Variants in ACSS1 observed in about 807,000 individuals in gnomAD.
ACSS1 encodes acyl-CoA synthetase short chain family member 1, also known as acetyl-coenzyme A synthetase 2-like, mitochondrial.
A neutral mutation model predicts 75.3 loss-of-function variants in ACSS1; 42 were observed. The observed-to-expected ratio is 0.56, with a 90% CI of 0.44 to 0.72. The LOEUF (loss-of-function observed/expected upper bound fraction) is 0.72, where lower values mean the gene tolerates loss of function less well. Among genes scored for constraint, ACSS1 ranks in the 30% least tolerant of loss-of-function variants. The pLI, the probability that ACSS1 is intolerant of heterozygous loss-of-function variation, is 0.00. For missense variants in ACSS1, 782 were observed against 935.7 expected (o/e 0.84, Z 2.14); for synonymous variants, 380 against 376.8 (o/e 1.01, Z -0.10).
At chr20:25,038,044 G>A (rs1035174780) in intron 2 of ACSS1, among the ~76,000 whole-genome samples, 1 of 152,202 alleles carries the variant, frequency 6.6e-6, no homozygotes, top group Non-Finnish European at 1.5e-5. Flanking sequence ...AGTGGCAGCC[G>A]CACTTGAACA....
At chr20:25,024,417 G>A (rs1441864073) in intron 3 of ACSS1, among the ~76,000 whole-genome samples, 3 of 152,166 alleles carry the variant, frequency 2.0e-5, no homozygotes, top group Admixed American at 6.5e-5. Flanking sequence ...TCACAGCTGC[G>A]GGGGGTTACT....
intron 5 of ACSS1, among the ~76,000 whole-genome samples, chr20:25,022,078 C>A (rs1341842733): frequency 6.6e-6 from 1 of 152,090 alleles, no homozygotes; most frequent in Non-Finnish European, 1.5e-5. Flanking sequence ...TATTTTAGGC[C>A]GGACACGGTG....
intron 1 of ACSS1, 90 bp downstream of exon 1, chr20:25,057,679 G>C: frequency 7.4e-7 from 1 of 1,346,316 alleles, no homozygotes. Flanking sequence ...GATCCGCGCT[G>C]CCCGGGGACG....
At chr20:25,044,896 G>A (rs891430742) in intron 2 of ACSS1, among the ~76,000 whole-genome samples, 6 of 152,204 alleles carry the variant, frequency 3.9e-5, no homozygotes, top group Non-Finnish European at 5.9e-5. Context: ...GGGTGCACAC[G>A]TCCCAGGCTG....
At chr20:25,039,142 C>A (rs1277135845) in intron 2 of ACSS1, among the ~76,000 whole-genome samples, 2 of 152,208 alleles carry the variant, frequency 1.3e-5, no homozygotes, top group African/African-American at 4.8e-5. Flanking sequence ...TTAACCCTCA[C>A]AACAGCCCAT....
intron 3 of ACSS1, among the ~76,000 whole-genome samples, chr20:25,026,469 G>GA (rs1368184529): frequency 2.0e-5 from 3 of 152,196 alleles, no homozygotes; most frequent in Non-Finnish European, 2.9e-5. Context: ...GCAAGGCTAT[G>GA]AGGAAGCCCA....
chr20:25,045,634 G>T (rs745666773), intron 2 of ACSS1, among the ~76,000 whole-genome samples: 8 of 152,202 alleles, frequency 5.3e-5, no homozygotes. Context: ...TAGGCACCTC[G>T]AGTGCTGTGG....
chr20:25,053,605 T>C (rs940691719), intron 1 of ACSS1, among the ~76,000 whole-genome samples: 2 of 152,010 alleles, frequency 1.3e-5, no homozygotes, highest in Admixed American at 6.6e-5. Flanking sequence ...CTGGAATCAC[T>C]AGGAGGAAAA....
At chr20:25,056,663 G>A (rs1436838696) in intron 1 of ACSS1, among the ~76,000 whole-genome samples, 1 of 151,828 alleles carries the variant, frequency 6.6e-6, no homozygotes, top group Admixed American at 6.6e-5. Context: ...ACTGAGGGCT[G>A]GGGGGGCAGA....
At chr20:25,045,284 G>A (rs1315427338) in intron 2 of ACSS1, among the ~76,000 whole-genome samples, 3 of 152,100 alleles carry the variant, frequency 2.0e-5, no homozygotes, top group Non-Finnish European at 4.4e-5. Flanking sequence ...GAACTAGAAC[G>A]GGCCTCTTTC....
At chr20:25,010,325 C>T (rs1177995603) in intron 12 of ACSS1, 1 of 152,270 alleles carries the variant, frequency 6.6e-6, no homozygotes, top group Non-Finnish European at 1.5e-5. Context: ...ACTCTTGACC[C>T]CTCTATGGGG....
At chr20:25,042,030 C>A (rs1363096046) in intron 2 of ACSS1, among the ~76,000 whole-genome samples, 2 of 152,036 alleles carry the variant, frequency 1.3e-5, no homozygotes, top group African/African-American at 4.8e-5. Flanking sequence ...GTTCCACAAC[C>A]CACCCGCTGG....
chr20:25,032,339 A>T, intron 2 of ACSS1: 1 of 1,314,614 alleles, frequency 7.6e-7, no homozygotes, highest in Non-Finnish European at 9.7e-7. Context: ...CTCCGGGAAA[A>T]CTGGGAGCAG....
chr20:25,053,119 G>A lies in ACSS1; in HGVS notation c.334+4650C>T, dbSNP rs186783069. ...CACTCCATTGCCCAGGCTAGAGTGCGCTGGCGTGATCTCAGCTCACTGCAA... is the reference window on the plus strand; with the variant it reads ...CACTCCATTGCCCAGGCTAGAGTGCACTGGCGTGATCTCAGCTCACTGCAA... On this transcript the variant is annotated intron_variant, in intron 1 of 13. Transcript: ENST00000323482. 9.5e-4 allele frequency among the ~76,000 whole-genome samples: 139 copies of A among 145,702 alleles called. 1 individual carries two copies. The highest frequency in any genetic ancestry group is 3.4e-3 in the African/African-American group (131 of 38,680).
chr20:25,047,720 T>C (rs975808403), intron 2 of ACSS1, among the ~76,000 whole-genome samples: 1 of 152,102 alleles, frequency 6.6e-6, no homozygotes, highest in African/African-American at 2.4e-5. Context: ...AGGAAGCAGC[T>C]TGGGGAAGGC....
chr20:25,010,798 G>A (rs1421671604), intron 12 of ACSS1: 1 of 152,428 alleles, frequency 6.6e-6, no homozygotes, highest in African/African-American at 2.4e-5. Context: ...TAAGAGCCAG[G>A]ACGAGGCAGG....
At chr20:25,018,612 T>C (rs1045416515) in intron 7 of ACSS1, among the ~76,000 whole-genome samples, 1 of 152,210 alleles carries the variant, frequency 6.6e-6, no homozygotes, top group East Asian at 1.9e-4. Context: ...AGGCCGGTTC[T>C]CTGACCTCTC....
At chr20:25,012,564 C>G in intron 12 of ACSS1, 37 bp downstream of exon 12, 2 of 1,612,864 alleles carry the variant, frequency 1.2e-6, no homozygotes, top group South Asian at 2.2e-5. Flanking sequence ...GGTGTGGGGT[C>G]AGGAATCAGG....
At position 25,014,049 on chromosome 20, in the gene ACSS1, G is replaced by A; in HGVS notation, c.1364C>T (p.Pro455Leu). The A allele has an allele frequency of 6.2e-7, 1 of 1,611,884 alleles. No individual in the cohort carries two copies. Among genetic ancestry groups the A allele is most frequent in the Non-Finnish European group, 8.5e-7 (1 of 1,179,230 alleles). Reference sequence around the variant, plus strand: ...TTCCGCCCCTTCTTCCGAGGGCCGTGGTGCGATGCAGATGCCACCTGTTTC... The same window carrying A: ...TTCCGCCCCTTCTTCCGAGGGCCGTAGTGCGATGCAGATGCCACCTGTTTC... Reference protein sequence around the residue: ...QTETGGICIAPRPSEEGAEIL... With the variant: ...QTETGGICIALRPSEEGAEIL... Residue 455 changes from proline to leucine, a missense_variant, in exon 9 of 14, where the codon CCA (proline) becomes CTA (leucine). Transcript: ENST00000323482.
Sources: gnomAD v4.1 joint callset for allele counts (sites outside exome capture counted in the v4.1 genomes callset) on GRCh38, gnomAD v4.1.1 for gene constraint, MANE v1.5 for transcripts, NCBI Gene and HGNC (gene_info 2026-07-23, HGNC 2026-07-21) for gene names.